Variants in SHISA9 observed in about 807,000 individuals in gnomAD.
The protein encoded by SHISA9 is protein shisa-9.
Under a neutral mutation model 38.0 loss-of-function variants are expected in SHISA9, and 13 were observed. The ratio of observed to expected loss-of-function variants is 0.34; its 90% CI spans 0.22 to 0.54. The LOEUF (loss-of-function observed/expected upper bound fraction) is 0.54, where lower values mean the gene tolerates loss of function less well. Among genes scored for constraint, SHISA9 ranks in the 20% least tolerant of loss-of-function variants. SHISA9 has a pLI of 0.91. For missense variants in SHISA9, 538 were observed against 575.8 expected (o/e 0.93, Z 0.67); for synonymous variants, 275 against 242.0 (o/e 1.14, Z -1.27).
At chr16:12,951,714 G>T (rs1287363094) in intron 2 of SHISA9, among the ~76,000 whole-genome samples, 1 of 152,080 alleles carries the variant, frequency 6.6e-6, no homozygotes, top group Non-Finnish European at 1.5e-5. Context: ...TTTCTCTCCT[G>T]GTTAGAGAAG....
Position 12,977,236 on chromosome 16 carries a change from C to T in SHISA9, c.691+60421C>T, listed in dbSNP as rs570484135. Among the ~76,000 whole-genome samples the T allele has an allele frequency of 9.0e-4, 137 of 152,018 alleles. 1 individual carries two copies. The highest frequency in any genetic ancestry group is 6.8e-3 in the Middle Eastern group (2 of 294). On this transcript the variant is annotated intron_variant, in intron 2 of 4. Transcript: ENST00000558583. ...AATCCTATAGTAGGCACTGGGGTTG[C>T]GTAAATGAAAGAAATGGCCCTTGCT...
intron 2 of SHISA9, among the ~76,000 whole-genome samples, chr16:13,094,943 A>G (rs1298658516): frequency 2.6e-5 from 4 of 152,214 alleles, no homozygotes; most frequent in Admixed American, 2.6e-4. Context: ...AGCAGCTACT[A>G]TAGTGCCTAG....
the SHISA9 span, among the ~76,000 whole-genome samples, chr16:13,265,784 C>G: frequency 1.3e-5 from 2 of 150,756 alleles, no homozygotes; most frequent in Non-Finnish European, 2.9e-5. Context: ...GAGACAGAAA[C>G]CATCTCTTAC....
At chr16:13,204,881 A>C (rs906300082) in intron 3 of SHISA9, 3 of 152,136 alleles carry the variant, frequency 2.0e-5, no homozygotes, top group African/African-American at 7.2e-5. Flanking sequence ...TGCTTCCACC[A>C]CTGTCCTGGT....
chr16:13,476,560 T>C, the SHISA9 span, among the ~76,000 whole-genome samples: 3 of 152,072 alleles, frequency 2.0e-5, no homozygotes, highest in African/African-American at 7.2e-5. Flanking sequence ...AAATTCAAAG[T>C]CAGTCATGGT....
intron 4 of SHISA9, among the ~76,000 whole-genome samples, chr16:13,229,589 G>T (rs1026505083): frequency 1.3e-5 from 2 of 152,170 alleles, no homozygotes; most frequent in East Asian, 1.9e-4. Flanking sequence ...CTGATCAAAT[G>T]GTTTTGGGAA....
At chr16:13,379,441 C>T in the SHISA9 span, among the ~76,000 whole-genome samples, 1 of 152,152 alleles carries the variant, frequency 6.6e-6, no homozygotes, top group Non-Finnish European at 1.5e-5. Context: ...GAGCAACTCC[C>T]AGGTCCCCCC....
the SHISA9 span, among the ~76,000 whole-genome samples, chr16:13,274,122 C>T: frequency 1.3e-5 from 2 of 152,182 alleles, no homozygotes; most frequent in Admixed American, 1.3e-4. Context: ...TTGCTTACCT[C>T]TTACTTGAAG....
chr16:13,545,977 A>G, the SHISA9 span, among the ~76,000 whole-genome samples: 103 of 152,258 alleles, frequency 6.8e-4, no homozygotes, highest in African/African-American at 2.3e-3. Flanking sequence ...GGTAGGACGT[A>G]AATTTGGGGC....
chr16:12,912,549 G>A (rs12928221), intron 1 of SHISA9, among the ~76,000 whole-genome samples: 124,826 of 152,122 alleles, frequency 0.82, 52,323 homozygotes, highest in East Asian at 1. Flanking sequence ...AGGATTCAGC[G>A]ATCCCCTGAA....
chr16:13,252,358 G>C, the SHISA9 span, among the ~76,000 whole-genome samples: 3 of 152,236 alleles, frequency 2.0e-5, no homozygotes, highest in African/African-American at 7.2e-5. Flanking sequence ...TAACTTGGGA[G>C]ATAGGTTGCT....
the SHISA9 span, among the ~76,000 whole-genome samples, chr16:13,562,421 A>G: frequency 6.6e-6 from 1 of 152,194 alleles, no homozygotes; most frequent in African/African-American, 2.4e-5. Flanking sequence ...CCTGAGGTCA[A>G]GAGCTCGAGA....
intron 2 of SHISA9, among the ~76,000 whole-genome samples, chr16:13,131,856 C>T (rs2050309216): frequency 6.6e-6 from 1 of 152,130 alleles, no homozygotes; most frequent in African/African-American, 2.4e-5. Context: ...AGATAATGTT[C>T]TTTCCATGAT....
At chr16:12,921,215 A>G (rs1337903177) in intron 2 of SHISA9, among the ~76,000 whole-genome samples, 2 of 152,226 alleles carry the variant, frequency 1.3e-5, no homozygotes, top group Non-Finnish European at 2.9e-5. Context: ...AACCTGAGCA[A>G]GTAAGGAGAA....
chr16:13,110,874 C>A (rs547119900), intron 2 of SHISA9, among the ~76,000 whole-genome samples: 35 of 152,274 alleles, frequency 2.3e-4, no homozygotes, highest in African/African-American at 7.2e-4. Context: ...GGTAACTGAT[C>A]CTCCCCTCAT....
intron 2 of SHISA9, among the ~76,000 whole-genome samples, chr16:12,968,790 C>T (rs1205508560): frequency 6.6e-6 from 1 of 152,068 alleles, no homozygotes; most frequent in East Asian, 1.9e-4. Context: ...CCCAACTCTG[C>T]CACTGTGGTG....
At chr16:13,168,261 C>G (rs1359418718) in intron 2 of SHISA9, among the ~76,000 whole-genome samples, 1 of 152,246 alleles carries the variant, frequency 6.6e-6, no homozygotes, top group Non-Finnish European at 1.5e-5. Flanking sequence ...CTCAGTTAGA[C>G]AAGACCAGGC....
chr16:13,052,368 A>T (rs1169354779), intron 2 of SHISA9, among the ~76,000 whole-genome samples: 1 of 152,194 alleles, frequency 6.6e-6, no homozygotes, highest in Non-Finnish European at 1.5e-5. Context: ...TTGGCTCTAA[A>T]GATGATTAAA....
At chr16:13,382,686 C>A in the SHISA9 span, among the ~76,000 whole-genome samples, 1 of 151,812 alleles carries the variant, frequency 6.6e-6, no homozygotes, top group African/African-American at 2.4e-5. Flanking sequence ...TGGTGAAACC[C>A]TGTCTGTATC....
Sources: gnomAD v4.1 joint callset for allele counts (sites outside exome capture counted in the v4.1 genomes callset) on GRCh38, gnomAD v4.1.1 for gene constraint, MANE v1.5 for transcripts, NCBI Gene and HGNC (gene_info 2026-07-23, HGNC 2026-07-21) for gene names.